The following PRSS55 variants were observed in gnomAD, a reference collection of about 807,000 sequenced individuals.
The protein encoded by PRSS55 is probable serine protease UNQ9391/PRO34284.
In PRSS55, 41 loss-of-function variants were observed where a neutral mutation model predicts 23.6. The observed-to-expected ratio is 1.74, with a 90% CI of 1.35 to 2.26. The LOEUF is 2.26. Among genes scored for constraint, PRSS55 ranks in the 30% most tolerant of loss-of-function variants. The pLI is 0.00. For missense variants in PRSS55, 669 were observed against 439.1 expected (o/e 1.52, Z -4.68); for synonymous variants, 262 against 175.5 (o/e 1.49, Z -3.90).
At chr8:10,540,124 G>C (rs1476062842), downstream of PRSS55, 4 of 152,336 alleles carry the variant, frequency 2.6e-5, no homozygotes, top group Non-Finnish European at 4.4e-5. Context: ...CCACCAGCGT[G>C]TGGGATGCCC....
intron 4 of PRSS55, among the ~76,000 whole-genome samples, chr8:10,545,929 G>T (rs979980209): frequency 6.6e-6 from 1 of 152,170 alleles, no homozygotes; most frequent in Non-Finnish European, 1.5e-5. Flanking sequence ...CTTTGCTTGC[G>T]TGTGTGAATG....
rs1229268268 is a variant in PRSS55 at position 10,525,638 on chromosome 8, T to G, written c.53T>G (p.Leu18Arg). The G allele has an allele frequency of 1.2e-6, 2 of 1,614,128 alleles. No homozygotes were observed. Among genetic ancestry groups the G allele is most frequent in the Admixed American group, 1.7e-5 (1 of 60,018 alleles). Residue 18 changes from leucine (L) to arginine (R), a missense_variant, in exon 1 of 5, where the codon CTC (leucine) becomes CGC (arginine). Coordinates refer to ENST00000328655, the MANE Select transcript of PRSS55 (RefSeq NM_198464.4). ...LLLSLVTGTQLGPRTPLPEAG... is the reference protein window; with the variant it reads ...LLLSLVTGTQRGPRTPLPEAG... The stretch of plus-strand genomic sequence containing the variant: ...CTGTCCCTGGTCACGGGAACTCAGC[T>G]CGGTCCACGGACTCCTCTCCCAGAG...
chr8:10,547,286 C>G (rs920119319), intron 4 of PRSS55: 1 of 152,388 alleles, frequency 6.6e-6, no homozygotes, highest in Non-Finnish European at 1.5e-5. Flanking sequence ...GGCATCACCC[C>G]TCACCCAAAG....
At chr8:10,525,773 GC>G (rs1811999345) in intron 1 of PRSS55, 34 bp downstream of exon 1, 2 of 1,553,848 alleles carry the variant, frequency 1.3e-6, no homozygotes, top group Non-Finnish European at 1.7e-6. Context: ...ATGGATGGGG[GC>G]TCATGGTCCA....
At chr8:10,530,643 C>T (rs1812218966) in intron 2 of PRSS55, among the ~76,000 whole-genome samples, 1 of 152,156 alleles carries the variant, frequency 6.6e-6, no homozygotes, top group Admixed American at 6.6e-5. Flanking sequence ...AATTCAAATT[C>T]TGGCTCTAGC....
At position 10,550,434 on chromosome 8, in the gene PRSS55, G is replaced by A. The variant is rs113835125; in HGVS notation, c.742-3509G>A. Among the ~76,000 whole-genome samples, 56 of 152,296 alleles carry A rather than the reference G, an allele frequency of 3.7e-4. 1 individual carries two copies. Among genetic ancestry groups the A allele is most frequent in the African/African-American group, 1.2e-3 (50 of 41,572 alleles). Reference sequence around the variant, plus strand: ...AGCCTGTACTAGTCCTGGCTCTGGTGTAGCATCATCTGGTGGCAGTTGGCT... The same window carrying A: ...AGCCTGTACTAGTCCTGGCTCTGGTATAGCATCATCTGGTGGCAGTTGGCT... On this transcript the variant is annotated intron_variant, in intron 4 of 4. Transcript: ENST00000522210.
chr8:10,534,414 C>A (rs1812384571), intron 4 of PRSS55, among the ~76,000 whole-genome samples: 1 of 152,168 alleles, frequency 6.6e-6, no homozygotes, highest in African/African-American at 2.4e-5. Flanking sequence ...TTACTCTAGT[C>A]ACCTCTCAAG....
chr8:10,548,157 C>G (rs1385126344), intron 4 of PRSS55, among the ~76,000 whole-genome samples: 8 of 152,178 alleles, frequency 5.3e-5, no homozygotes, highest in Admixed American at 4.6e-4. Flanking sequence ...CCTTAGGGAG[C>G]TGGGGCGGGC....
chr8:10,552,889 C>T (rs1812982007), intron 4 of PRSS55, among the ~76,000 whole-genome samples: 1 of 152,196 alleles, frequency 6.6e-6, no homozygotes, highest in Non-Finnish European at 1.5e-5. Flanking sequence ...AATAGAACTA[C>T]CATATCATCC....
chr8:10,545,425 C>T (rs1430068435), intron 4 of PRSS55, among the ~76,000 whole-genome samples: 2 of 152,174 alleles, frequency 1.3e-5, no homozygotes, highest in Non-Finnish European at 2.9e-5. Flanking sequence ...TTTATTATTA[C>T]AGTCAACCAC....
intron 4 of PRSS55, among the ~76,000 whole-genome samples, 194 bp from the exon 5 acceptor site, chr8:10,538,282 C>T (rs1315367107): frequency 2.0e-5 from 3 of 151,228 alleles, no homozygotes; most frequent in Non-Finnish European, 4.4e-5. Flanking sequence ...CAGCACCCCA[C>T]CCCCAACGCT....
intron 1 of PRSS55, among the ~76,000 whole-genome samples, chr8:10,527,535 T>G (rs978975691): frequency 2.0e-5 from 3 of 152,218 alleles, no homozygotes; most frequent in African/African-American, 7.2e-5. Flanking sequence ...GAGGGGCTGT[T>G]ATAGACACAG....
intron 4 of PRSS55, among the ~76,000 whole-genome samples, chr8:10,538,271 A>G (rs1812524763): frequency 6.6e-6 from 1 of 151,918 alleles, no homozygotes; most frequent in South Asian, 2.1e-4. Context: ...TGTCTCATCC[A>G]CAGCACCCCA....
Position 10,536,299 on chromosome 8 carries a change from C to T in PRSS55, c.742-2177C>T, listed in dbSNP as rs1027998325. Among the ~76,000 whole-genome samples the T allele has an allele frequency of 3.3e-5, 5 of 152,120 alleles. No homozygotes were observed. In the South Asian group the frequency reaches 6.2e-4, roughly 19 times the overall value. ...CACTAATTATTAGAGAAATGCAAATCAAAGCCACAATGAGATATCATCCCA... is the reference window on the plus strand; with the variant it reads ...CACTAATTATTAGAGAAATGCAAATTAAAGCCACAATGAGATATCATCCCA... On this transcript the variant is annotated intron_variant, in intron 4 of 4. Transcript: ENST00000328655.
At chr8:10,543,661 T>C (rs1585891150), downstream of PRSS55, among the ~76,000 whole-genome samples, 2 of 151,844 alleles carry the variant, frequency 1.3e-5, no homozygotes, top group Admixed American at 6.6e-5. Context: ...CTACATCATA[T>C]AAGCATTTAC....
Position 10,538,590 on chromosome 8 carries a change from A to T in PRSS55, c.856A>T (p.Thr286Ser). The T allele has an allele frequency of 6.2e-7, 1 of 1,614,022 alleles. No individual in the cohort carries two copies. Among genetic ancestry groups the T allele is most frequent in the Non-Finnish European group, 8.5e-7 (1 of 1,179,982 alleles). The change falls in exon 5 of 5, where the codon ACC (threonine) becomes TCC (serine). Residue 286 changes from threonine (T) to serine (S), a missense_variant. By Grantham distance (58) the Thr-to-Ser change is moderately conservative (BLOSUM62 1). Transcript: ENST00000328655. ...CGEKNTPGIY[T>S]SLVNYNLWIE... is the part of the protein sequence containing the mutation. Reference sequence around the variant, plus strand: ...AGAGAAGAACACCCCAGGGATATACACCTCGTTGGTGAACTACAACCTCTG... The same window carrying T: ...AGAGAAGAACACCCCAGGGATATACTCCTCGTTGGTGAACTACAACCTCTG...
At chr8:10,543,129 G>A (rs1476356413), downstream of PRSS55, among the ~76,000 whole-genome samples, 2 of 152,096 alleles carry the variant, frequency 1.3e-5, no homozygotes, top group African/African-American at 4.8e-5. Context: ...TCAACCCAGG[G>A]CCTCAGGATG....
chr8:10,541,684 CCTGA>C (rs1812660920), downstream of PRSS55: 1 of 152,126 alleles, frequency 6.6e-6, no homozygotes, highest in African/African-American at 2.4e-5. Flanking sequence ...TTCTGGAAAA[CCTGA>C]CTAATATGGG....
downstream of PRSS55, chr8:10,538,858 C>A: frequency 1.9e-5 from 28 of 1,439,074 alleles, no homozygotes; most frequent in Non-Finnish European, 2.5e-5. Flanking sequence ...CCAGCAGAGG[C>A]TCTGTCTGCA....
Sources: gnomAD v4.1 joint callset for allele counts (sites outside exome capture counted in the v4.1 genomes callset) on GRCh38, gnomAD v4.1.1 for gene constraint, MANE v1.5 for transcripts, NCBI Gene and HGNC (gene_info 2026-07-23, HGNC 2026-07-21) for gene names.